Variants in UTP20 observed in about 807,000 individuals in gnomAD.
The protein encoded by UTP20 is UTP20 small subunit processome component.
UTP20 carries 164 observed loss-of-function variants against 329.5 expected under a neutral mutation model. The ratio of observed to expected loss-of-function variants is 0.50; its 90% CI spans 0.44 to 0.57. The LOEUF is 0.57. Among genes scored for constraint, UTP20 ranks in the 20% least tolerant of loss-of-function variants. UTP20 has a pLI of 0.00. For synonymous variants in UTP20, 1,151 were observed against 1,159.3 expected, an observed-to-expected ratio of 0.99 and a Z score of 0.14; for missense variants, 3,055 against 3,284.2, an observed-to-expected ratio of 0.93 and a Z score of 1.71.
At chr12:101,288,900 AG>A (rs1181040733) in intron 5 of UTP20, 59 bp from the exon 6 acceptor site, 1 of 1,415,798 alleles carries the variant, frequency 7.1e-7, no homozygotes, top group Non-Finnish European at 9.8e-7. Flanking sequence ...GTTGACATGT[AG>A]TATGTATTTA....
chr12:101,346,720 T>C, intron 38 of UTP20, 132 bp downstream of exon 38: 1 of 861,662 alleles, frequency 1.2e-6, no homozygotes, highest in Non-Finnish European at 1.6e-6. Context: ...AGTTCTAAAG[T>C]TCTTAGAACT....
intron 22 of UTP20, among the ~76,000 whole-genome samples, chr12:101,318,844 A>AAT: frequency 6.6e-6 from 1 of 151,458 alleles, no homozygotes; most frequent in East Asian, 1.9e-4. Context: ...AAAAAAAAAA[A>AAT]AAAAAAGACC....
In UTP20 at chr12:101,285,636, G is replaced by A; in HGVS notation, c.193G>A (p.Gly65Arg). The change falls in exon 3 of 62, where the codon GGA becomes AGA. Residue 65 changes from glycine to arginine, a missense_variant and splice_region_variant. Physicochemically the swap from Gly to Arg is moderately radical, Grantham distance 125. Coordinates refer to ENST00000261637, the MANE Select transcript of UTP20 (RefSeq NM_014503.3). ...AGAATTAAACCTCACAGAACACTTC[G>A]GTATTTTCTATTTCGTTTCTATTTT... Reference protein sequence around the residue: ...WRELNLTEHFGKFYKEVIDKC... With the variant: ...WRELNLTEHFRKFYKEVIDKC... 2 of 1,613,660 alleles carry A rather than the reference G, an allele frequency of 1.2e-6. No homozygotes were observed. Among genetic ancestry groups the A allele is most frequent in the Non-Finnish European group, 1.7e-6 (2 of 1,179,790 alleles).
At chr12:101,308,746 T>C (rs992375960) in intron 18 of UTP20, among the ~76,000 whole-genome samples, 3 of 151,662 alleles carry the variant, frequency 2.0e-5, no homozygotes, top group Non-Finnish European at 4.4e-5. Flanking sequence ...TTTTTTTTTT[T>C]TTTGGAGATG....
At chr12:101,357,637 C>G (rs951122344) in intron 43 of UTP20, among the ~76,000 whole-genome samples, 1 of 152,066 alleles carries the variant, frequency 6.6e-6, no homozygotes, top group Non-Finnish European at 1.5e-5. Flanking sequence ...GTTTGTGGTC[C>G]CAGCTACTCA....
chr12:101,369,225 TAGAAAAC>T (rs1017867902), intron 48 of UTP20, among the ~76,000 whole-genome samples: 80 of 152,308 alleles, frequency 5.3e-4, no homozygotes, highest in African/African-American at 1.9e-3. Flanking sequence ...AGTACCATTC[TAGAAAAC>T]AGAAAAGTCA....
At chr12:101,295,816 G>A (rs188872846) in intron 12 of UTP20, among the ~76,000 whole-genome samples, 158 bp downstream of exon 12, 2 of 151,936 alleles carry the variant, frequency 1.3e-5, no homozygotes, top group East Asian at 1.9e-4. Flanking sequence ...CACATAGTAC[G>A]TATAGTATGA....
chr12:101,340,386 C>T (rs762446822), intron 31 of UTP20, 137 bp from the exon 32 acceptor site: 5 of 567,650 alleles, frequency 8.8e-6, no homozygotes, highest in African/African-American at 3.8e-5. Flanking sequence ...TTTATACATG[C>T]ACACATACTT....
In UTP20 at chr12:101,379,534, C is replaced by T; in HGVS notation, c.7560C>T (p.Phe2520=). 1 of 1,613,096 alleles carries T rather than the reference C, an allele frequency of 6.2e-7. No individual in the cohort carries two copies. The highest frequency in any genetic ancestry group is 8.5e-7 in the Non-Finnish European group (1 of 1,179,400). Residue 2520 remains phenylalanine, a synonymous_variant, in exon 57 of 62, where the codon TTC becomes TTT. Coordinates refer to ENST00000261637, the MANE Select transcript of UTP20 (RefSeq NM_014503.3). ...KHLPEPVAIK[F]LASDLDQKMK... ...TCCCAGAACCTGTAGCAATCAAGTT[C>T]CTAGCCAGTGACCTTGACCAAAAGG...
chr12:101,384,864 A>C (rs1436669943), intron 60 of UTP20, among the ~76,000 whole-genome samples: 1 of 152,208 alleles, frequency 6.6e-6, no homozygotes, highest in East Asian at 1.9e-4. Context: ...AAGCAGGTTC[A>C]GGTGTGCTTT....
chr12:101,333,169 A>G, intron 27 of UTP20, 132 bp from the exon 28 acceptor site: 1 of 857,666 alleles, frequency 1.2e-6, no homozygotes, highest in Non-Finnish European at 1.7e-6. Flanking sequence ...TCCCATGTAA[A>G]TCAAGTCAAC....
intron 60 of UTP20, among the ~76,000 whole-genome samples, chr12:101,384,000 A>G (rs1870746779): frequency 6.7e-6 from 1 of 150,178 alleles, no homozygotes; most frequent in South Asian, 2.1e-4. Flanking sequence ...TACTGTACCC[A>G]GCCAGAGTTT....
rs1254828460 is a variant in UTP20, at chr12:101,281,168, G to T, written c.98G>T (p.Arg33Leu). Residue 33 changes from arginine (R) to leucine (L), a missense_variant, in exon 2 of 62, where the codon CGG becomes CTG. This residue lies in a region of UTP20 where 2,445 missense variants were observed against 2,575.5 expected (regional missense o/e 0.95). Transcript: ENST00000261637. ...AATGTTAATATTGATATTATTCACC[G>T]GATTGATAGAACTGCAAGCTATGAG... is the stretch of plus-strand genomic sequence containing the variant. ...LGNVNIDIIHRIDRTASYEEE... is the reference protein window; with the variant it reads ...LGNVNIDIIHLIDRTASYEEE... 1 of 1,613,180 alleles carries T rather than the reference G, an allele frequency of 6.2e-7. No individual in the cohort carries two copies. The highest frequency in any genetic ancestry group is 1.3e-5 in the African/African-American group (1 of 74,972).
intron 13 of UTP20, 31 bp from the exon 14 acceptor site, chr12:101,299,942 G>A: frequency 6.2e-7 from 1 of 1,612,652 alleles, no homozygotes; most frequent in South Asian, 1.1e-5. Context: ...ATGCCAGTTT[G>A]AACTTTTCCC....
intron 47 of UTP20, among the ~76,000 whole-genome samples, chr12:101,367,375 G>A (rs953238450): frequency 2.0e-5 from 3 of 151,954 alleles, no homozygotes; most frequent in African/African-American, 7.3e-5. Context: ...TCATTGACTC[G>A]CATTTTTCTA....
rs377141633 is a variant in UTP20, at chr12:101,324,890, T to G, written c.3042-2191T>G. Among the ~76,000 whole-genome samples, 39 of 152,350 alleles carry G rather than the reference T, an allele frequency of 2.6e-4. No homozygotes were observed. The East Asian group carries it at 2.7e-3, about 11-fold the overall frequency. On this transcript the variant is annotated intron_variant, in intron 25 of 61. Transcript: ENST00000261637. Reference sequence around the variant, plus strand: ...GTTTTCATTTTATAACTACGTTTTGTTCTTGTAGAGGGAATTTTCCATTTT... The same window carrying G: ...GTTTTCATTTTATAACTACGTTTTGGTCTTGTAGAGGGAATTTTCCATTTT...
intron 2 of UTP20, among the ~76,000 whole-genome samples, chr12:101,283,496 G>A (rs955250296): frequency 2.0e-5 from 3 of 152,152 alleles, no homozygotes; most frequent in East Asian, 3.9e-4. Context: ...CAAAGGGTGA[G>A]GAAACAGACT....
In UTP20 at chr12:101,307,890, G is replaced by A. The variant is rs367925212; in HGVS notation, c.1996-295G>A. Among the ~76,000 whole-genome samples the A allele has an allele frequency of 7.8e-4, 119 of 152,278 alleles. 1 individual carries two copies. The South Asian group carries it at 0.024, about 31-fold the overall frequency. ...AGGAATAGATTTGTGAAGCAAAAGCGTATGTGCATTTTATTTTTATTTCAA... is the reference window on the plus strand; with the variant it reads ...AGGAATAGATTTGTGAAGCAAAAGCATATGTGCATTTTATTTTTATTTCAA... On this transcript the variant is annotated intron_variant, in intron 17 of 61. Coordinates refer to ENST00000261637, the MANE Select transcript of UTP20 (RefSeq NM_014503.3).
chr12:101,303,023 G>GTTTA (rs1872562267), intron 15 of UTP20, among the ~76,000 whole-genome samples: 1 of 152,094 alleles, frequency 6.6e-6, no homozygotes, highest in Non-Finnish European at 1.5e-5. Flanking sequence ...TTTAAGTATA[G>GTTTA]TTTAGCCAGC....
Sources: gnomAD v4.1 joint callset for allele counts (sites outside exome capture counted in the v4.1 genomes callset) on GRCh38, gnomAD v4.1.1 for gene constraint, gnomAD v4.1.1 regional missense constraint, MANE v1.5 for transcripts, NCBI Gene and HGNC (gene_info 2026-07-23, HGNC 2026-07-21) for gene names.